Variants in ITSN2 observed in about 807,000 individuals in gnomAD.
ITSN2 encodes the protein intersectin-2.
In ITSN2, 156 loss-of-function variants were observed where a neutral mutation model predicts 243.7. The ratio of observed to expected loss-of-function variants is 0.64; its 90% confidence interval spans 0.56 to 0.73. The LOEUF is 0.73. ITSN2 is among the 30% of genes least tolerant of loss of function. The pLI, the probability that ITSN2 is intolerant of heterozygous loss-of-function variation, is 0.00. For synonymous variants in ITSN2, 703 were observed against 699.9 expected (o/e 1.00, Z -0.07); for missense variants, 1,801 against 1,996.1 (o/e 0.90, Z 1.86).
intron 18 of ITSN2, 126 bp from the exon 19 acceptor site, chr2:24,272,067 G>A (rs878987997): frequency 1.4e-6 from 1 of 699,718 alleles, no homozygotes; most frequent in Admixed American, 3.2e-5. Context: ...CAGGGGTGGG[G>A]AGAAACTGCT....
intron 1 of ITSN2, among the ~76,000 whole-genome samples, chr2:24,349,025 T>C (rs1325771330): frequency 6.6e-6 from 1 of 152,134 alleles, no homozygotes; most frequent in Non-Finnish European, 1.5e-5. Context: ...CCAGCACTGC[T>C]GGAGGCCAAG....
At chr2:24,220,467 T>C (rs1340163503) in intron 30 of ITSN2, 7 of 991,410 alleles carry the variant, frequency 7.1e-6, no homozygotes, top group Non-Finnish European at 8.4e-6. Flanking sequence ...TACAATATGC[T>C]CCCATTGGGT....
chr2:24,261,307 A>G, intron 21 of ITSN2, 57 bp from the exon 22 acceptor site: 1 of 1,270,228 alleles, frequency 7.9e-7, no homozygotes, highest in Non-Finnish European at 1.1e-6. Flanking sequence ...TTAATGAAGT[A>G]CTACCAATTT....
At chr2:24,243,609 G>C (rs1672993789) in intron 29 of ITSN2, among the ~76,000 whole-genome samples, 1 of 152,094 alleles carries the variant, frequency 6.6e-6, no homozygotes, top group Non-Finnish European at 1.5e-5. Context: ...TGGGACTATA[G>C]GGATATGCCA....
At chr2:24,222,214 T>A (rs1670529446) in intron 29 of ITSN2, among the ~76,000 whole-genome samples, 1 of 129,162 alleles carries the variant, frequency 7.7e-6, no homozygotes, top group Non-Finnish European at 1.5e-5. Flanking sequence ...ATCGCACCAC[T>A]GCACTCCAGC....
chr2:24,262,299 G>C (rs1261731749), intron 20 of ITSN2, among the ~76,000 whole-genome samples: 1 of 152,098 alleles, frequency 6.6e-6, no homozygotes, highest in African/African-American at 2.4e-5. Context: ...GAGTCATGCA[G>C]CATGCTGCTG....
At chr2:24,346,727 T>G (rs1256416269) in intron 1 of ITSN2, among the ~76,000 whole-genome samples, 1 of 152,102 alleles carries the variant, frequency 6.6e-6, no homozygotes. Context: ...TTAAAACTGT[T>G]TAAAAAATAA....
intron 24 of ITSN2, among the ~76,000 whole-genome samples, chr2:24,252,755 A>AT (rs1362375989): frequency 2.0e-5 from 3 of 152,110 alleles, no homozygotes; most frequent in African/African-American, 7.2e-5. Context: ...CCAATTGTTT[A>AT]TTTTTTTATC....
rs141576949 is a variant in ITSN2, at chr2:24,210,301, C to G, written c.4258-268G>C. ...TCAAAACAAAAAATCCCAGTGTTCT[C>G]TCCTTAGGAGAAAGGAAGATGACAA... On this transcript the variant is annotated intron_variant, in intron 34 of 39. Transcript: ENST00000355123. 6 of 458,008 alleles carry G rather than the reference C, an allele frequency of 1.3e-5. No homozygotes were observed. The East Asian group carries it at 2.4e-4, about 18-fold the overall frequency. 28.4% of individuals were successfully genotyped at this position (458,008 alleles called of 1,614,324 possible).
intron 20 of ITSN2, among the ~76,000 whole-genome samples, chr2:24,267,016 A>T (rs559486937): frequency 6.6e-6 from 1 of 152,296 alleles, no homozygotes; most frequent in East Asian, 1.9e-4. Flanking sequence ...AACCCTGAGG[A>T]ATTACACAAA....
chr2:24,295,605 A>G, intron 14 of ITSN2, 59 bp downstream of exon 14: 1 of 1,343,768 alleles, frequency 7.4e-7, no homozygotes, highest in Non-Finnish European at 9.8e-7. Context: ...CACCGTGCCC[A>G]GCCCAGAAGA....
At position 24,249,430 on chromosome 2, in the gene ITSN2, T is replaced by TAGTG. The variant is rs1395175533; in HGVS notation, c.3121-549_3121-548insCACT. Among the ~76,000 whole-genome samples the TAGTG allele has an allele frequency of 6.6e-6, 1 of 152,182 alleles. No homozygotes were observed. Among genetic ancestry groups the TAGTG allele is most frequent in the Non-Finnish European group, 1.5e-5 (1 of 68,034 alleles). ...CTGTGTAGCAACTATTACTTCTGTT[T>TAGTG]CACTTTAAAGGATAAACTGGCCCAA... On this transcript the variant is annotated intron_variant, in intron 25 of 39. Coordinates refer to ENST00000355123, the MANE Select transcript of ITSN2 (RefSeq NM_006277.3). This position sits in a 1 kb window ranked among gnomAD's most constrained non-coding sequence, Gnocchi z 4.4.
intron 1 of ITSN2, among the ~76,000 whole-genome samples, chr2:24,356,685 G>T (rs918701754): frequency 6.6e-6 from 1 of 152,100 alleles, no homozygotes; most frequent in African/African-American, 2.4e-5. Context: ...AGGCCAAGGC[G>T]GGTGGCTCAT....
intron 8 of ITSN2, among the ~76,000 whole-genome samples, chr2:24,304,261 C>A (rs1356774024): frequency 3.3e-5 from 5 of 152,192 alleles, no homozygotes; most frequent in Non-Finnish European, 5.9e-5. Flanking sequence ...TCAGGCGCTA[C>A]TCTGGGTTCA....
chr2:24,224,743 C>T (rs1377122773), intron 29 of ITSN2, among the ~76,000 whole-genome samples: 1 of 152,120 alleles, frequency 6.6e-6, no homozygotes, highest in Non-Finnish European at 1.5e-5. Context: ...AAGCGATTCT[C>T]CTGCCTCAGT....
At chr2:24,284,207 A>G (rs1679181344) in intron 17 of ITSN2, among the ~76,000 whole-genome samples, 1 of 152,232 alleles carries the variant, frequency 6.6e-6, no homozygotes. Context: ...AAATATTTAT[A>G]TAATTTAAAC....
Position 24,285,394 on chromosome 2 carries a change from T to C in ITSN2, c.1864-551A>G, listed in dbSNP as rs373508192. 3.3e-5 allele frequency among the ~76,000 whole-genome samples: 5 copies of C among 152,362 alleles called. No individual in the cohort carries two copies. In the East Asian group the frequency reaches 9.6e-4, roughly 29 times the overall value. On this transcript the variant is annotated intron_variant, in intron 16 of 39. Transcript: ENST00000355123. Reference sequence around the variant, plus strand: ...TGTTGTCCTTTCTTTAGCATGCTGTTTACTCTATATTTGCTGTTAATGTTA... The same window carrying C: ...TGTTGTCCTTTCTTTAGCATGCTGTCTACTCTATATTTGCTGTTAATGTTA...
intron 29 of ITSN2, among the ~76,000 whole-genome samples, chr2:24,223,308 A>G (rs1273045628): frequency 6.6e-6 from 1 of 152,158 alleles, no homozygotes; most frequent in African/African-American, 2.4e-5. Context: ...TCTATATTCT[A>G]CAGATGTTGC....
At chr2:24,214,241 TAGTGG>T (rs1669757788) in intron 32 of ITSN2, 1 of 152,246 alleles carries the variant, frequency 6.6e-6, no homozygotes, top group African/African-American at 2.4e-5. Context: ...TTGTAAATGA[TAGTGG>T]GTTTTAACTT....
Sources: allele counts gnomAD v4.1 joint callset (sites outside exome capture counted in the v4.1 genomes callset), GRCh38; gene constraint gnomAD v4.1.1; non-coding constraint Gnocchi (gnomAD v3.1); transcripts MANE v1.5; gene names NCBI Gene and HGNC (gene_info 2026-07-23, HGNC 2026-07-21).